ATXN1: variants seen among roughly 807,000 people sequenced by gnomAD.
ATXN1 encodes ataxin-1.
ATXN1 carries 8 observed loss-of-function variants against 56.4 expected under a neutral mutation model. The observed-to-expected ratio is 0.14, with a 90% CI of 0.08 to 0.26. ATXN1 has a LOEUF of 0.26. ATXN1 is among the 10% of genes least tolerant of loss of function. The pLI is 1.00. For missense variants in ATXN1, 987 were observed against 1,106.5 expected, an observed-to-expected ratio of 0.89 and a Z score of 1.53; for synonymous variants, 514 against 494.6, an observed-to-expected ratio of 1.04 and a Z score of -0.52.
intron 6 of ATXN1, among the ~76,000 whole-genome samples, chr6:16,445,742 C>G (rs1170140199): frequency 1.8e-4 from 24 of 136,338 alleles, no homozygotes; most frequent in African/African-American, 6.7e-4. Flanking sequence ...TCTCATTGTT[C>G]AATTCCCATC....
At chr6:16,314,674 G>A (rs1455102453) in intron 7 of ATXN1, among the ~76,000 whole-genome samples, 4 of 151,558 alleles carry the variant, frequency 2.6e-5, no homozygotes, top group Non-Finnish European at 5.9e-5. Flanking sequence ...GGAATGTAGT[G>A]GCACTATCTC....
At chr6:16,687,016 A>G (rs1055452684) in intron 2 of ATXN1, among the ~76,000 whole-genome samples, 4 of 152,218 alleles carry the variant, frequency 2.6e-5, no homozygotes, top group African/African-American at 4.8e-5. Flanking sequence ...GGGAACAATC[A>G]GAGTGCACTA....
chr6:16,670,732 A>G (rs1561801726), intron 2 of ATXN1, among the ~76,000 whole-genome samples: 1 of 152,240 alleles, frequency 6.6e-6, no homozygotes, highest in Non-Finnish European at 1.5e-5. Flanking sequence ...AAACACTACT[A>G]GAAGTCAGGC....
chr6:16,675,524 C>A (rs1257391528), intron 2 of ATXN1, among the ~76,000 whole-genome samples: 13 of 152,096 alleles, frequency 8.5e-5, no homozygotes, highest in African/African-American at 2.7e-4. Context: ...TTATGGCACA[C>A]ATGAAGGCGA....
intron 3 of ATXN1, among the ~76,000 whole-genome samples, chr6:16,656,390 C>T (rs1256669288): frequency 6.6e-6 from 1 of 152,152 alleles, no homozygotes; most frequent in Non-Finnish European, 1.5e-5. Flanking sequence ...AAAGGCAAGT[C>T]GTTCCAAGAT....
At chr6:16,733,772 G>A (rs1176004966) in intron 2 of ATXN1, among the ~76,000 whole-genome samples, 9 of 152,324 alleles carry the variant, frequency 5.9e-5, no homozygotes, top group East Asian at 1.9e-4. Context: ...ACTTGAATCC[G>A]GGAGGGAGAG....
intron 2 of ATXN1, among the ~76,000 whole-genome samples, chr6:16,671,481 T>A (rs1758541321): frequency 6.6e-6 from 1 of 152,206 alleles, no homozygotes; most frequent in Non-Finnish European, 1.5e-5. Flanking sequence ...TGTCTATTTC[T>A]GAAGTGAAAC....
chr6:16,360,340 A>T (rs1203827452), intron 6 of ATXN1, among the ~76,000 whole-genome samples: 1 of 152,228 alleles, frequency 6.6e-6, no homozygotes, highest in Non-Finnish European at 1.5e-5. Flanking sequence ...ACCCAGTGAC[A>T]TCGGAAATGT....
intron 6 of ATXN1, among the ~76,000 whole-genome samples, chr6:16,336,993 G>A (rs1448009915): frequency 6.6e-6 from 1 of 152,044 alleles, no homozygotes; most frequent in African/African-American, 2.4e-5. Flanking sequence ...GCTGGCTTGG[G>A]TAGCTCTGCG....
intron 6 of ATXN1, among the ~76,000 whole-genome samples, chr6:16,339,520 C>T (rs1443072293): frequency 1.3e-5 from 2 of 152,200 alleles, no homozygotes; most frequent in East Asian, 3.8e-4. Context: ...CAAGACCTCC[C>T]GGGACCCAGG....
At chr6:16,551,692 G>A (rs185002853) in intron 4 of ATXN1, among the ~76,000 whole-genome samples, 2 of 152,274 alleles carry the variant, frequency 1.3e-5, no homozygotes, top group African/African-American at 2.4e-5. Context: ...AAATCCACAA[G>A]TCGAGCCCTG....
At chr6:16,405,837 A>G (rs1047934988) in intron 6 of ATXN1, among the ~76,000 whole-genome samples, 2 of 152,190 alleles carry the variant, frequency 1.3e-5, no homozygotes, top group African/African-American at 4.8e-5. Context: ...AGCTGAAGAC[A>G]TTAAATTTAC....
At chr6:16,577,700 T>TA (rs1762449766) in intron 4 of ATXN1, among the ~76,000 whole-genome samples, 1 of 152,184 alleles carries the variant, frequency 6.6e-6, no homozygotes, top group South Asian at 2.1e-4. Context: ...TTTAAATTTT[T>TA]ATACAATAGA....
intron 7 of ATXN1, among the ~76,000 whole-genome samples, chr6:16,321,395 T>C (rs1760649184): frequency 6.6e-6 from 1 of 152,180 alleles, no homozygotes; most frequent in African/African-American, 2.4e-5. Context: ...AAGCAGCAAC[T>C]CTCTTCCAGG....
At chr6:16,728,031 CA>C (rs2113480193) in intron 2 of ATXN1, among the ~76,000 whole-genome samples, 1 of 152,322 alleles carries the variant, frequency 6.6e-6, no homozygotes, top group South Asian at 2.1e-4. Flanking sequence ...CCTCATTTTG[CA>C]TGAGGAGGCT....
chr6:16,721,343 T>C (rs1163347927), intron 2 of ATXN1, among the ~76,000 whole-genome samples: 2 of 152,216 alleles, frequency 1.3e-5, no homozygotes, highest in African/African-American at 4.8e-5. Flanking sequence ...ATGTACCAAG[T>C]GGCTGGGGGT....
chr6:16,757,608 T>C (rs934997811), intron 1 of ATXN1, among the ~76,000 whole-genome samples: 2 of 152,152 alleles, frequency 1.3e-5, no homozygotes, highest in Non-Finnish European at 2.9e-5. Flanking sequence ...TAGAGTTGAG[T>C]AGCTCTCTCA....
At chr6:16,725,972 C>G (rs3812222) in intron 2 of ATXN1, among the ~76,000 whole-genome samples, 54,112 of 152,084 alleles carry the variant, frequency 0.36, 10,178 homozygotes, top group South Asian at 0.52. Context: ...AGCCCTCTGA[C>G]TCCTCCTCCC....
At chr6:16,343,518 G>A (rs1761305648) in intron 6 of ATXN1, among the ~76,000 whole-genome samples, 1 of 152,082 alleles carries the variant, frequency 6.6e-6, no homozygotes, top group African/African-American at 2.4e-5. Context: ...CATCCTTTAA[G>A]CCCTTAAAGC....
Sources: gnomAD v4.1 joint callset for allele counts (sites outside exome capture counted in the v4.1 genomes callset) on GRCh38, gnomAD v4.1.1 for gene constraint, MANE v1.5 for transcripts, NCBI Gene and HGNC (gene_info 2026-07-23, HGNC 2026-07-21) for gene names.